Variants in EPB41L2 observed in about 807,000 individuals in gnomAD.
The protein encoded by EPB41L2 is erythrocyte membrane protein band 4.1 like 2.
EPB41L2 carries 43 observed loss-of-function variants against 113.0 expected under a neutral mutation model. The ratio of observed to expected loss-of-function variants is 0.38; its 90% CI spans 0.30 to 0.49. The LOEUF is 0.49. Among genes scored for constraint, EPB41L2 ranks in the 20% least tolerant of loss-of-function variants. The pLI is 0.95. For missense variants in EPB41L2, 1,147 were observed against 1,223.4 expected, an observed-to-expected ratio of 0.94 and a Z score of 0.93; for synonymous variants, 442 against 436.7, an observed-to-expected ratio of 1.01 and a Z score of -0.15.
chr6:130,894,461 C>G lies in EPB41L2; in HGVS notation c.1390-20G>C, dbSNP rs371988389. 7.3e-5 allele frequency: 117 copies of G among 1,604,430 alleles called. No individual in the cohort carries two copies. Among genetic ancestry groups the G allele is most frequent in the Non-Finnish European group, 8.6e-5 (101 of 1,171,386 alleles). On this transcript the variant is annotated intron_variant, in intron 9 of 19. Transcript: ENST00000337057. The stretch of plus-strand genomic sequence containing the variant: ...TTCCAGCTGGAATAAATCCGTAAAA[C>G]AAATCAGCATATTTCCTTAAGAACT...
chr6:130,969,097 C>T (rs978755058), intron 1 of EPB41L2, among the ~76,000 whole-genome samples: 1 of 152,068 alleles, frequency 6.6e-6, no homozygotes, highest in Non-Finnish European at 1.5e-5. Flanking sequence ...AGGAACACTA[C>T]AAAGCAGATG....
intron 1 of EPB41L2, among the ~76,000 whole-genome samples, chr6:130,980,441 AGAG>A (rs1437749435): frequency 2.0e-5 from 3 of 152,142 alleles, no homozygotes; most frequent in Non-Finnish European, 4.4e-5. Context: ...TCAAAACCAC[AGAG>A]AAGAGTTTAA....
chr6:130,864,021 C>G (rs1173438369), intron 17 of EPB41L2, among the ~76,000 whole-genome samples: 1 of 152,146 alleles, frequency 6.6e-6, no homozygotes, highest in East Asian at 1.9e-4. Flanking sequence ...TAAGATAGGA[C>G]AGATATTATT....
chr6:130,884,125 A>G (rs1171717630), intron 12 of EPB41L2, among the ~76,000 whole-genome samples: 2 of 152,180 alleles, frequency 1.3e-5, no homozygotes, highest in African/African-American at 4.8e-5. Context: ...ACTTGAGGTC[A>G]GGAGTTCAAG....
At chr6:131,032,672 G>A (rs528437486) in intron 1 of EPB41L2, among the ~76,000 whole-genome samples, 1 of 151,884 alleles carries the variant, frequency 6.6e-6, no homozygotes, top group Non-Finnish European at 1.5e-5. Context: ...AGTCACAAAA[G>A]AATTATTATT....
intron 18 of EPB41L2, among the ~76,000 whole-genome samples, chr6:130,858,990 T>C (rs1260187811): frequency 2.0e-5 from 3 of 152,178 alleles, no homozygotes; most frequent in African/African-American, 2.4e-5. Context: ...AGCAGCAGGA[T>C]AGGAGCAGGG....
chr6:130,894,584 T>C (rs1793998838), intron 9 of EPB41L2, 143 bp from the exon 10 acceptor site: 1 of 700,082 alleles, frequency 1.4e-6, no homozygotes, highest in Admixed American at 2.8e-5. Context: ...TATAATCATA[T>C]AAAGATGAAT....
chr6:130,938,306 T>C (rs1809594832), intron 3 of EPB41L2, among the ~76,000 whole-genome samples: 1 of 152,228 alleles, frequency 6.6e-6, no homozygotes, highest in Non-Finnish European at 1.5e-5. Context: ...ACAGTGTTTC[T>C]ATTCAATTTG....
intron 1 of EPB41L2, among the ~76,000 whole-genome samples, chr6:131,041,209 T>C (rs1389852631): frequency 6.6e-6 from 1 of 151,840 alleles, no homozygotes; most frequent in Non-Finnish European, 1.5e-5. Flanking sequence ...AAACTGTCCA[T>C]GTTTTTTACA....
At chr6:130,880,634 T>C in intron 12 of EPB41L2, 1 of 468,220 alleles carries the variant, frequency 2.1e-6, no homozygotes, top group Non-Finnish European at 3.7e-6. Context: ...ATGCAGAATA[T>C]TAAGCCTCTT....
intron 4 of EPB41L2, among the ~76,000 whole-genome samples, chr6:130,921,745 A>G (rs558050340): frequency 4.6e-5 from 7 of 152,314 alleles, no homozygotes; most frequent in African/African-American, 1.7e-4. Context: ...GGCCCTTGTC[A>G]GGTAGTAAAA....
intron 3 of EPB41L2, among the ~76,000 whole-genome samples, chr6:130,952,876 A>T (rs1461247540): frequency 6.6e-6 from 1 of 151,978 alleles, no homozygotes; most frequent in Non-Finnish European, 1.5e-5. Flanking sequence ...TGCTGGATAC[A>T]CAACTGTCTC....
At position 130,967,049 on chromosome 6, in the gene EPB41L2, AT is replaced by A. The variant is rs201629813; in HGVS notation, c.-14-10551del. Among the ~76,000 whole-genome samples the A allele has an allele frequency of 1.8e-3, 269 of 152,068 alleles. 2 individuals are homozygous for A. The East Asian group carries it at 0.02, about 12-fold the overall frequency. ...ACACCCAAGCTTTTAGTGCAGCAAC[AT>A]TTTTTTTAAGAAGTGTATCAGTTCT... On this transcript the variant is annotated intron_variant, in intron 1 of 19. Transcript: ENST00000337057.
At chr6:130,894,944 T>C (rs770230461) in intron 9 of EPB41L2, 23 bp downstream of exon 9, 3 of 1,602,332 alleles carry the variant, frequency 1.9e-6, no homozygotes, top group Non-Finnish European at 1.7e-6. Flanking sequence ...TAACAACAAC[T>C]GATTAGAAAT....
At chr6:131,051,469 C>G (rs35250412) in intron 1 of EPB41L2, among the ~76,000 whole-genome samples, 1 of 86,634 alleles carries the variant, frequency 1.2e-5, no homozygotes, top group African/African-American at 4.5e-5. Flanking sequence ...AAAAAAAACA[C>G]ACACACACAC....
chr6:130,912,718 CTCA>C (rs1799796759), intron 4 of EPB41L2, among the ~76,000 whole-genome samples: 1 of 152,096 alleles, frequency 6.6e-6, no homozygotes, highest in Admixed American at 6.5e-5. Context: ...CAACAGCTGG[CTCA>C]CAAATGGCCA....
chr6:130,847,058 A>G (rs1777260403), intron 19 of EPB41L2, among the ~76,000 whole-genome samples: 1 of 152,262 alleles, frequency 6.6e-6, no homozygotes, highest in African/African-American at 2.4e-5. Flanking sequence ...ACTAAAGGAC[A>G]TGGCATGTAA....
chr6:130,845,277 G>A (rs1232962272), intron 19 of EPB41L2, among the ~76,000 whole-genome samples: 1 of 152,194 alleles, frequency 6.6e-6, no homozygotes, highest in Non-Finnish European at 1.5e-5. Context: ...CAGTGTGTTG[G>A]CATTTTCACC....
chr6:130,988,168 A>C (rs762868197), intron 1 of EPB41L2, among the ~76,000 whole-genome samples: 14 of 152,320 alleles, frequency 9.2e-5, no homozygotes, highest in Admixed American at 3.9e-4. Context: ...CAAAATAACA[A>C]ATAAAGAATA....
Sources: gnomAD v4.1 joint callset for allele counts (sites outside exome capture counted in the v4.1 genomes callset) on GRCh38, gnomAD v4.1.1 for gene constraint, MANE v1.5 for transcripts, NCBI Gene and HGNC (gene_info 2026-07-23, HGNC 2026-07-21) for gene names.